The following CD48 variants were observed in gnomAD, a reference collection of about 807,000 sequenced individuals.
CD48 encodes the protein CD48 antigen.
In CD48, 20 loss-of-function variants were observed where a neutral mutation model predicts 22.0. The ratio of observed to expected loss-of-function variants is 0.91; its 90% confidence interval spans 0.64 to 1.32. The LOEUF (loss-of-function observed/expected upper bound fraction) is 1.32. CD48 is among the 40% of genes most tolerant of loss of function. CD48 has a pLI of 0.00. For synonymous variants in CD48, 110 were observed against 110.1 expected, an observed-to-expected ratio of 1.00 and a Z score of 0.01; for missense variants, 307 against 286.5, an observed-to-expected ratio of 1.07 and a Z score of -0.52.
In CD48 at chr1:160,693,276, A is replaced by G. The variant is rs183153336; in HGVS notation, c.83-8087T>C. On this transcript the variant is annotated intron_variant, in intron 1 of 3. Transcript: ENST00000368046. Reference sequence around the variant, plus strand: ...GCAAGGCTCCAAGATGTTGCTCAAAAGTCAATTGCCAGTGAAAAAGCCCGT... The same window carrying G: ...GCAAGGCTCCAAGATGTTGCTCAAAGGTCAATTGCCAGTGAAAAAGCCCGT... Among the ~76,000 whole-genome samples the G allele has an allele frequency of 2.0e-5, 3 of 152,402 alleles. No individual in the cohort carries two copies. In the East Asian group the frequency reaches 5.8e-4, roughly 29 times the overall value.
chr1:160,678,949 G>T lies in CD48; in HGVS notation c.*103C>A, dbSNP rs538294303. 207 of 773,562 alleles carry T rather than the reference G, an allele frequency of 2.7e-4. No homozygotes were observed. In the African/African-American group the frequency reaches 3.2e-3, roughly 12 times the overall value. 47.9% of individuals were successfully genotyped at this position (773,562 alleles called of 1,614,324 possible). A position where few individuals can be genotyped will look rare whatever the true frequency, so the allele number is the denominator to read the frequency against. On this transcript the variant is annotated 3_prime_UTR_variant, in exon 4 of 4. Transcript: ENST00000368046. ...ATCCTCGTTGATAATTCAGCAGCAT[G>T]CTTCTGGTCAGCCTATACAGTCTCT...
intron 1 of CD48, among the ~76,000 whole-genome samples, chr1:160,704,558 G>C (rs1427928777): frequency 3.3e-5 from 5 of 152,218 alleles, no homozygotes; most frequent in African/African-American, 1.2e-4. Flanking sequence ...GGAAGCAGAG[G>C]AGAAAGCAGG....
chr1:160,710,513 C>T (rs1354920299), intron 1 of CD48, among the ~76,000 whole-genome samples: 1 of 152,126 alleles, frequency 6.6e-6, no homozygotes, highest in Non-Finnish European at 1.5e-5. Context: ...CAAGATGAAG[C>T]CTAGAAAAGA....
chr1:160,691,691 C>T (rs1662225620), intron 1 of CD48: 1 of 280,396 alleles, frequency 3.6e-6, no homozygotes, highest in Non-Finnish European at 6.6e-6. Context: ...TTTTCTTTTC[C>T]AAGTCTCTCA....
intron 1 of CD48, among the ~76,000 whole-genome samples, chr1:160,706,311 T>A (rs970539186): frequency 3.9e-5 from 6 of 152,154 alleles, no homozygotes; most frequent in African/African-American, 7.2e-5. Context: ...TGACCTCAGG[T>A]GATCCACCTG....
intron 1 of CD48, among the ~76,000 whole-genome samples, chr1:160,711,102 T>C (rs917905907): frequency 6.6e-6 from 1 of 152,170 alleles, no homozygotes; most frequent in Non-Finnish European, 1.5e-5. Flanking sequence ...CCTTAACTCT[T>C]AGCAATCAGA....
At position 160,698,724 on chromosome 1, in the gene CD48, G is replaced by A. The variant is rs958845450; in HGVS notation, c.82+12958C>T. ...GAGCATCACTGGGACATGGTTAGAC[G>A]CCATCTACAGGGAAGAGAAGATAAT... On this transcript the variant is annotated intron_variant, in intron 1 of 3. Coordinates refer to ENST00000368046, the MANE Select transcript of CD48 (RefSeq NM_001778.4). Among the ~76,000 whole-genome samples, 9 of 151,940 alleles carry A rather than the reference G, an allele frequency of 5.9e-5. 1 individual carries two copies. The highest frequency in any genetic ancestry group is 1.9e-4 in the African/African-American group (8 of 41,344).
At chr1:160,694,973 T>G (rs1373493011) in intron 1 of CD48, among the ~76,000 whole-genome samples, 3 of 152,368 alleles carry the variant, frequency 2.0e-5, no homozygotes, top group African/African-American at 7.2e-5. Context: ...AAATGGCGTA[T>G]GTTAACTGAC....
chr1:160,707,875 C>T (rs2102442163), intron 1 of CD48, among the ~76,000 whole-genome samples: 2 of 152,294 alleles, frequency 1.3e-5, no homozygotes, highest in Middle Eastern at 6.8e-3. Context: ...CTCATGTATT[C>T]ACTCATCGAA....
chr1:160,680,797 C>A, intron 3 of CD48: 1 of 1,144,628 alleles, frequency 8.7e-7, no homozygotes. Context: ...TCCCTCTTTC[C>A]TTGGCTGACT....
rs139257719 is a variant in CD48 at position 160,703,115 on chromosome 1, G to A, written c.82+8567C>T. On this transcript the variant is annotated intron_variant, in intron 1 of 3. Coordinates refer to ENST00000368046, the MANE Select transcript of CD48 (RefSeq NM_001778.4). The stretch of plus-strand genomic sequence containing the variant: ...GGGCATAAGCATCAGAGAAACTATC[G>A]GAGCCTGTGAGCTGAGCCTGAGTAA... Among the ~76,000 whole-genome samples, 272 of 152,234 alleles carry A rather than the reference G, an allele frequency of 1.8e-3. 1 individual carries two copies. The highest frequency in any genetic ancestry group is 6.8e-3 in the South Asian group (33 of 4,820).
intron 1 of CD48, among the ~76,000 whole-genome samples, chr1:160,690,813 G>T (rs890401731): frequency 3.3e-5 from 5 of 152,178 alleles, no homozygotes; most frequent in Non-Finnish European, 5.9e-5. Context: ...AGGTCAGATT[G>T]TTACTGTGTC....
chr1:160,682,474 GAAGA>G (rs1440327220), intron 2 of CD48, among the ~76,000 whole-genome samples: 7 of 98,074 alleles, frequency 7.1e-5, no homozygotes, highest in African/African-American at 2.7e-4. Context: ...AAAAAAAAAA[GAAGA>G]AAGAAAGGAA....
chr1:160,697,103 G>A (rs911141280), intron 1 of CD48, among the ~76,000 whole-genome samples: 3 of 152,096 alleles, frequency 2.0e-5, no homozygotes, highest in Admixed American at 1.3e-4. Context: ...TACTACTTCT[G>A]CAGAACATCT....
At chr1:160,680,852 G>A (rs747011501) in intron 3 of CD48, 66 of 1,323,980 alleles carry the variant, frequency 5.0e-5, no homozygotes, top group Non-Finnish European at 6.0e-5. Flanking sequence ...TCGCCCACTT[G>A]CCCTTCCTTC....
At chr1:160,683,475 A>G (rs1661879937) in intron 2 of CD48, 2 of 151,682 alleles carry the variant, frequency 1.3e-5, no homozygotes, top group Non-Finnish European at 2.9e-5. Flanking sequence ...AGCAGTATTT[A>G]AACCACAGAA....
chr1:160,699,150 C>T (rs1399111111), intron 1 of CD48: 2 of 153,924 alleles, frequency 1.3e-5, no homozygotes, highest in African/African-American at 4.8e-5. Flanking sequence ...ATTCTTCTGC[C>T]TTGAGATGCT....
chr1:160,684,817 C>T, intron 2 of CD48, 70 bp downstream of exon 2: 1 of 1,613,986 alleles, frequency 6.2e-7, no homozygotes, highest in Non-Finnish European at 8.5e-7. Flanking sequence ...CCATGCCTCC[C>T]AGGAAGCCCT....
At chr1:160,709,035 T>C (rs1662873501) in intron 1 of CD48, among the ~76,000 whole-genome samples, 1 of 152,186 alleles carries the variant, frequency 6.6e-6, no homozygotes, top group African/African-American at 2.4e-5. Flanking sequence ...CATGATCTGA[T>C]TGCAAGCACA....
Sources: gnomAD v4.1 joint callset for allele counts (sites outside exome capture counted in the v4.1 genomes callset) on GRCh38, gnomAD v4.1.1 for gene constraint, MANE v1.5 for transcripts, NCBI Gene and HGNC (gene_info 2026-07-23, HGNC 2026-07-21) for gene names.